NT5C2: variants seen among roughly 807,000 people sequenced by gnomAD.
NT5C2 encodes the protein 5'-nucleotidase, cytosolic II, also known as cytosolic purine 5'-nucleotidase.
Under a neutral mutation model 76.1 loss-of-function variants are expected in NT5C2, and 58 were observed. That is an observed-to-expected ratio of 0.76 (90% confidence interval 0.62 to 0.95). The LOEUF (loss-of-function observed/expected upper bound fraction) is 0.95, where lower values mean the gene tolerates loss of function less well. NT5C2 is among the 40% of genes least tolerant of loss of function. NT5C2 has a pLI of 0.00. For synonymous variants in NT5C2, 229 were observed against 237.4 expected, an observed-to-expected ratio of 0.96 and a Z score of 0.32; for missense variants, 478 against 690.3, an observed-to-expected ratio of 0.69 and a Z score of 3.45.
At chr10:103,094,499 C>G (rs1212601427) in intron 12 of NT5C2, 44 bp from the exon 13 acceptor site, 2 of 974,076 alleles carry the variant, frequency 2.1e-6, no homozygotes, top group Admixed American at 3.5e-5. Flanking sequence ...CACTCCTTAC[C>G]TTAAGGCATT....
intron 3 of NT5C2, chr10:103,153,530 G>A (rs918772271): frequency 3.0e-6 from 3 of 985,186 alleles, no homozygotes; most frequent in Middle Eastern, 5.2e-4. Flanking sequence ...AAAATTTCAA[G>A]ACTAGGAAAA....
At chr10:103,144,681 T>A (rs2081173776) in intron 3 of NT5C2, among the ~76,000 whole-genome samples, 1 of 152,230 alleles carries the variant, frequency 6.6e-6, no homozygotes, top group Non-Finnish European at 1.5e-5. Flanking sequence ...TCTCCTCTCT[T>A]TAACCTAGTC....
At chr10:103,177,316 A>G (rs1287999135) in intron 2 of NT5C2, among the ~76,000 whole-genome samples, 1 of 152,204 alleles carries the variant, frequency 6.6e-6, no homozygotes, top group African/African-American at 2.4e-5. Context: ...CTACTTTTAC[A>G]TTAGGCTATT....
chr10:103,096,255 T>A (rs1004901925), intron 11 of NT5C2, among the ~76,000 whole-genome samples: 1 of 152,160 alleles, frequency 6.6e-6, no homozygotes, highest in African/African-American at 2.4e-5. Flanking sequence ...GAAAGGAGCA[T>A]ATGAGGTAGG....
chr10:103,123,657 C>T (rs778741724), intron 4 of NT5C2, among the ~76,000 whole-genome samples: 2 of 152,154 alleles, frequency 1.3e-5, no homozygotes, highest in Middle Eastern at 3.4e-3. Context: ...CAGAGAAATG[C>T]GAAGGAGTGG....
At chr10:103,149,417 T>C (rs978217321) in intron 3 of NT5C2, among the ~76,000 whole-genome samples, 2 of 152,064 alleles carry the variant, frequency 1.3e-5, no homozygotes, top group African/African-American at 4.8e-5. Context: ...ATGAAGAAAT[T>C]GTGATAATGG....
At chr10:103,136,059 C>T (rs1211052883) in intron 4 of NT5C2, among the ~76,000 whole-genome samples, 1 of 152,134 alleles carries the variant, frequency 6.6e-6, no homozygotes, top group Non-Finnish European at 1.5e-5. Flanking sequence ...TGCACTCCAG[C>T]CTGGGAGACA....
chr10:103,143,948 C>G (rs544658273), intron 3 of NT5C2, among the ~76,000 whole-genome samples: 5 of 152,196 alleles, frequency 3.3e-5, no homozygotes, highest in Non-Finnish European at 5.9e-5. Flanking sequence ...GAGCAAGACC[C>G]TGTCTCAAAC....
intron 3 of NT5C2, among the ~76,000 whole-genome samples, chr10:103,155,567 A>C (rs1382571927): frequency 6.6e-6 from 1 of 152,148 alleles, no homozygotes; most frequent in Non-Finnish European, 1.5e-5. Flanking sequence ...AAAAAGCAAA[A>C]TGACATAAAC....
rs1262291217 is a variant in NT5C2, at chr10:103,146,309, T to C, written c.102-6830A>G. On this transcript the variant is annotated intron_variant, in intron 3 of 18. Transcript: ENST00000404739. Reference sequence around the variant, plus strand: ...ATTTCTTTGGCAATGGTGAACTTTATCTGTAACTCCTCCCCTTGCCTAGGA... The same window carrying C: ...ATTTCTTTGGCAATGGTGAACTTTACCTGTAACTCCTCCCCTTGCCTAGGA... 4 of 985,352 alleles carry C rather than the reference T, an allele frequency of 4.1e-6. No homozygotes were observed. In the East Asian group the frequency reaches 3.4e-4, roughly 84 times the overall value. The allele number at this position is 985,352 out of a possible 1,614,324, so 61.0% of individuals were successfully genotyped here.
At chr10:103,144,804 A>G (rs909643012) in intron 3 of NT5C2, among the ~76,000 whole-genome samples, 4 of 152,212 alleles carry the variant, frequency 2.6e-5, no homozygotes, top group African/African-American at 4.8e-5. Context: ...GACAGACTTT[A>G]TAAGAGTCTA....
intron 3 of NT5C2, among the ~76,000 whole-genome samples, chr10:103,158,775 G>A (rs1415124276): frequency 2.7e-5 from 4 of 149,278 alleles, no homozygotes; most frequent in East Asian, 2.0e-4. Context: ...CCGAGATTGC[G>A]CCACTGCACT....
intron 12 of NT5C2, among the ~76,000 whole-genome samples, chr10:103,095,140 A>C (rs1469551511): frequency 6.6e-6 from 1 of 152,222 alleles, no homozygotes. Flanking sequence ...CATCAGAGCT[A>C]AAGTATACAA....
rs10430665 is a variant in NT5C2, at chr10:103,088,673, C to T, written c.*999G>A. 16,879 of 173,790 alleles carry T rather than the reference C, an allele frequency of 0.097. 1,118 individuals carry two copies. Among genetic ancestry groups the T allele is most frequent in the East Asian group, 0.27 (2,608 of 9,692 alleles). 10.8% of individuals were successfully genotyped at this position (173,790 alleles called of 1,614,324 possible). ...AAGTGCTGGGATTACAGGCGTGAGC[C>T]GCCGTGCCTGGCCTTGACTTGAGAT... On this transcript the variant is annotated 3_prime_UTR_variant, in exon 19 of 19. Transcript: ENST00000404739.
intron 4 of NT5C2, among the ~76,000 whole-genome samples, chr10:103,122,874 C>T (rs1392464036): frequency 6.6e-6 from 1 of 152,176 alleles, no homozygotes; most frequent in Non-Finnish European, 1.5e-5. Context: ...CCATACTTCT[C>T]TACAACTATC....
chr10:103,177,616 G>C (rs1306164383), intron 2 of NT5C2, among the ~76,000 whole-genome samples: 1 of 147,676 alleles, frequency 6.8e-6, no homozygotes, highest in Non-Finnish European at 1.5e-5. Context: ...TGAACTCCTG[G>C]ACTCAAGTGA....
chr10:103,127,947 G>A (rs2076981346), intron 4 of NT5C2, among the ~76,000 whole-genome samples: 1 of 151,968 alleles, frequency 6.6e-6, no homozygotes, highest in South Asian at 2.1e-4. Flanking sequence ...TCCCGCCTCA[G>A]CCTCCCAAAG....
At chr10:103,105,522 C>A in intron 6 of NT5C2, 184 bp downstream of exon 6, 1 of 532,316 alleles carries the variant, frequency 1.9e-6, no homozygotes, top group South Asian at 3.6e-5. Flanking sequence ...AATGTAATTG[C>A]TAACTATATG....
rs553710959 is a variant in NT5C2, at chr10:103,191,397, A to G, written c.-169+1839T>C. 3.2e-4 allele frequency among the ~76,000 whole-genome samples: 44 copies of G among 138,774 alleles called. No individual in the cohort carries two copies. In the South Asian group the frequency reaches 4.4e-3, roughly 14 times the overall value. 91.0% of individuals were successfully genotyped at this position (138,774 alleles called of 152,430 possible). A position where few individuals can be genotyped will look rare whatever the true frequency, so the allele number is the denominator to read the frequency against. On this transcript the variant is annotated intron_variant, in intron 1 of 18. Coordinates refer to ENST00000404739, the MANE Select transcript of NT5C2 (RefSeq NM_001351169.2). ...AGCTCCGTCTCAAAAAAAAAAAAAA[A>G]AGAGAGAGAGAGGAAATACTTAAAA...
Sources: allele counts gnomAD v4.1 joint callset (sites outside exome capture counted in the v4.1 genomes callset), GRCh38; gene constraint gnomAD v4.1.1; transcripts MANE v1.5; gene names NCBI Gene and HGNC (gene_info 2026-07-23, HGNC 2026-07-21).